The following SHTN1 variants were observed in gnomAD, a reference collection of about 807,000 sequenced individuals.
SHTN1 encodes shootin 1, also known as shootin-1.
SHTN1 carries 42 observed loss-of-function variants against 83.1 expected under a neutral mutation model. The ratio of observed to expected loss-of-function variants is 0.51; its 90% confidence interval spans 0.39 to 0.65. The LOEUF (loss-of-function observed/expected upper bound fraction) is 0.65, where lower values mean the gene tolerates loss of function less well. SHTN1 is among the 30% of genes least tolerant of loss of function. SHTN1 has a pLI of 0.00. For missense variants in SHTN1, 622 were observed against 737.8 expected (o/e 0.84, Z 1.82); for synonymous variants, 224 against 247.7 (o/e 0.90, Z 0.90).
intron 1 of SHTN1, among the ~76,000 whole-genome samples, chr10:117,054,761 G>C (rs1402540946): frequency 6.6e-6 from 1 of 151,982 alleles, no homozygotes; most frequent in Non-Finnish European, 1.5e-5. Flanking sequence ...GGTATAGACA[G>C]AGCCTTACTC....
In SHTN1 at chr10:117,105,450, A is replaced by G. The variant is rs142572309; in HGVS notation, c.-189+20857T>C. ...ATTAGGAATTCTTATTCTTATGTGT[A>G]AGATGAAAGAACTGAGGTCCAGAAT... is the stretch of plus-strand genomic sequence containing the variant. On this transcript the variant is annotated intron_variant, in intron 1 of 17. Coordinates refer to the SHTN1 transcript ENST00000392901. Among the ~76,000 whole-genome samples the G allele has an allele frequency of 4.6e-5, 7 of 152,326 alleles. No homozygotes were observed. The East Asian group carries it at 1.3e-3, about 29-fold the overall frequency.
At position 116,929,828 on chromosome 10, in the gene SHTN1, T is replaced by G. The variant is rs772738511; in HGVS notation, c.1012+21A>C. On this transcript the variant is annotated intron_variant, in intron 10 of 16. Coordinates refer to ENST00000355371, the MANE Select transcript of SHTN1 (RefSeq NM_001127211.3). The stretch of plus-strand genomic sequence containing the variant: ...TTCAAAGATTAATAGTAAGACATAG[T>G]AGCCTACTCAATGCTTTTACCAGAG... 8 of 1,564,556 alleles carry G rather than the reference T, an allele frequency of 5.1e-6. No individual in the cohort carries two copies. In the African/African-American group the frequency reaches 9.6e-5, roughly 19 times the overall value.
intron 1 of SHTN1, among the ~76,000 whole-genome samples, chr10:116,994,315 G>A (rs891477388): frequency 1.3e-5 from 2 of 152,102 alleles, no homozygotes; most frequent in Non-Finnish European, 2.9e-5. Context: ...TGAGAAAAGA[G>A]AGCAAGAGAA....
chr10:117,061,319 C>T (rs1852900661), intron 1 of SHTN1, among the ~76,000 whole-genome samples: 1 of 150,956 alleles, frequency 6.6e-6, no homozygotes, highest in Non-Finnish European at 1.5e-5. Flanking sequence ...GCCTCAGCCT[C>T]CCGAGTAGCT....
At chr10:116,924,781 G>A (rs1465512312) in intron 11 of SHTN1, among the ~76,000 whole-genome samples, 6 of 131,536 alleles carry the variant, frequency 4.6e-5, no homozygotes, top group Non-Finnish European at 9.4e-5. Flanking sequence ...TTTTTGAGAT[G>A]GAGTCTCGCT....
At chr10:117,010,124 T>A (rs1361288289), upstream of SHTN1, among the ~76,000 whole-genome samples, 1 of 151,736 alleles carries the variant, frequency 6.6e-6, no homozygotes, top group African/African-American at 2.4e-5. Flanking sequence ...AGAAAAATAA[T>A]AGAATTAATA....
upstream of SHTN1, among the ~76,000 whole-genome samples, chr10:117,008,795 T>C (rs2133554023): frequency 6.6e-6 from 1 of 152,296 alleles, no homozygotes; most frequent in East Asian, 1.9e-4. Flanking sequence ...TGGTAATGGT[T>C]GTACAATTCT....
intron 2 of SHTN1, among the ~76,000 whole-genome samples, chr10:117,025,819 AG>A (rs759564619): frequency 1.4e-4 from 22 of 152,246 alleles, no homozygotes; most frequent in Admixed American, 2.6e-4. Context: ...CTAGGCCAAA[AG>A]GGAACCTGCT....
chr10:116,990,136 GA>G (rs954319972), intron 1 of SHTN1, among the ~76,000 whole-genome samples: 5 of 151,696 alleles, frequency 3.3e-5, no homozygotes, highest in African/African-American at 1.2e-4. Flanking sequence ...AGATTGGCAG[GA>G]AAAAAAATTT....
chr10:116,965,331 A>G (rs1564902862), intron 3 of SHTN1, among the ~76,000 whole-genome samples: 1 of 152,204 alleles, frequency 6.6e-6, no homozygotes, highest in Non-Finnish European at 1.5e-5. Context: ...AATCTGGCCA[A>G]CATGGTGAAA....
chr10:116,891,393 G>C (rs1847337668), intron 16 of SHTN1, among the ~76,000 whole-genome samples: 1 of 152,186 alleles, frequency 6.6e-6, no homozygotes, highest in Non-Finnish European at 1.5e-5. Flanking sequence ...TGGGATGTCT[G>C]CATTAGTCTG....
intron 1 of SHTN1, among the ~76,000 whole-genome samples, chr10:117,084,244 T>A (rs970405472): frequency 2.6e-5 from 4 of 152,038 alleles, no homozygotes; most frequent in African/African-American, 9.7e-5. Flanking sequence ...CCTTTCTGTT[T>A]GTTAGTTTTC....
At chr10:117,047,383 T>TCAA (rs1852680287) in intron 2 of SHTN1, among the ~76,000 whole-genome samples, 1 of 151,934 alleles carries the variant, frequency 6.6e-6, no homozygotes, top group African/African-American at 2.4e-5. Context: ...TATTTTTTTT[T>TCAA]AAAAATAATC....
intron 14 of SHTN1, chr10:116,911,464 T>C (rs1198466765): frequency 1.3e-6 from 2 of 1,548,108 alleles, no homozygotes; most frequent in East Asian, 2.4e-5. Flanking sequence ...ATTTCTGTTT[T>C]TCATCAACAT....
intron 4 of SHTN1, among the ~76,000 whole-genome samples, chr10:116,958,699 G>C (rs4092881): frequency 0.3 from 45,004 of 152,060 alleles, 6,973 homozygotes; most frequent in East Asian, 0.51. Context: ...TTAAATAAAA[G>C]GGGAGACAGA....
intron 2 of SHTN1, among the ~76,000 whole-genome samples, chr10:117,014,877 T>C (rs1224657262): frequency 2.0e-5 from 3 of 152,376 alleles, no homozygotes; most frequent in African/African-American, 7.2e-5. Context: ...TGTGGTATTT[T>C]AGTTTTAAAA....
intron 1 of SHTN1, among the ~76,000 whole-genome samples, chr10:117,109,672 A>G (rs113765096): frequency 7.0e-6 from 1 of 142,892 alleles, no homozygotes; most frequent in African/African-American, 2.6e-5. Flanking sequence ...TCAAGCAATT[A>G]TCCTGTCTCA....
upstream of SHTN1, among the ~76,000 whole-genome samples, chr10:117,005,965 G>A (rs1337665228): frequency 6.6e-6 from 1 of 152,198 alleles, no homozygotes; most frequent in African/African-American, 2.4e-5. Context: ...GTTAAGCCAA[G>A]CGTTTGTCCC....
At chr10:117,084,891 C>T (rs1018119928) in intron 1 of SHTN1, among the ~76,000 whole-genome samples, 2 of 152,080 alleles carry the variant, frequency 1.3e-5, no homozygotes, top group African/African-American at 2.4e-5. Flanking sequence ...CGCCCTGCTT[C>T]GGCTCGCGCA....
Sources: allele counts gnomAD v4.1 joint callset (sites outside exome capture counted in the v4.1 genomes callset), GRCh38; gene constraint gnomAD v4.1.1; transcripts MANE v1.5; gene names NCBI Gene and HGNC (gene_info 2026-07-23, HGNC 2026-07-21).